Variants in NCAPH observed in about 807,000 individuals in gnomAD.
The protein encoded by NCAPH is non-SMC condensin I complex subunit H, also known as condensin complex subunit 2.
NCAPH carries 38 observed loss-of-function variants against 85.5 expected under a neutral mutation model. The ratio of observed to expected loss-of-function variants is 0.44; its 90% confidence interval spans 0.34 to 0.58. The LOEUF is 0.58. NCAPH is among the 20% of genes least tolerant of loss of function. The pLI is 0.01. For missense variants in NCAPH, 789 were observed against 916.6 expected, an observed-to-expected ratio of 0.86 and a Z score of 1.80; for synonymous variants, 301 against 335.1, an observed-to-expected ratio of 0.90 and a Z score of 1.11.
rs1411489003 is a variant in NCAPH at position 96,376,515 on chromosome 2, G to A, written c.*3164G>A. Among the ~76,000 whole-genome samples, 1 of 152,238 alleles carries A rather than the reference G, an allele frequency of 6.6e-6. No individual in the cohort carries two copies. Among genetic ancestry groups the A allele is most frequent in the Non-Finnish European group, 1.5e-5 (1 of 68,046 alleles). On this transcript the variant is annotated 3_prime_UTR_variant, in exon 18 of 18. Transcript: ENST00000240423. ...CCCTACAGTGTATGATCCCCCTGGG[G>A]AGCAAAAGGCTGCAGGTAACACTTT...
At chr2:96,348,115 T>TA (rs2064385368) in intron 6 of NCAPH, among the ~76,000 whole-genome samples, 1 of 151,882 alleles carries the variant, frequency 6.6e-6, no homozygotes, top group Admixed American at 6.6e-5. Flanking sequence ...TCATATACTA[T>TA]AAAAAATGGG....
chr2:96,338,179 G>C lies in NCAPH; in HGVS notation c.19+2331G>C, dbSNP rs1331811240. 6.2e-5 allele frequency among the ~76,000 whole-genome samples: 9 copies of C among 145,346 alleles called. No homozygotes were observed. The East Asian group carries it at 1.4e-3, about 23-fold the overall frequency. ...TGACCTCAAGTGATCCTCCCACCTT[G>C]GCCTCCAAAGTGCTAGGATTACAGG... On this transcript the variant is annotated intron_variant, in intron 1 of 17. Transcript: ENST00000240423.
chr2:96,360,573 TAAA>T lies in NCAPH; in HGVS notation c.1465-10_1465-8del. 6.2e-7 allele frequency: 1 copy of T among 1,611,268 alleles called. No individual in the cohort carries two copies. Among genetic ancestry groups the T allele is most frequent in the Non-Finnish European group, 8.5e-7 (1 of 1,179,234 alleles). On this transcript the variant is annotated splice_polypyrimidine_tract_variant and intron_variant, in intron 11 of 17. Coordinates refer to ENST00000240423, the MANE Select transcript of NCAPH (RefSeq NM_015341.5). ...GTTAAAATGCCTAAAACACTTTTTT[TAAA>T]AAAATTAATAGGCTGCTACTATTCT...
In NCAPH at chr2:96,366,011, G is replaced by T. The variant is rs1364948228; in HGVS notation, c.1834G>T (p.Asp612Tyr). The T allele has an allele frequency of 6.2e-7, 1 of 1,614,212 alleles. No homozygotes were observed. The stretch of plus-strand genomic sequence containing the variant: ...TGACACTCCAGAAGCCCAAGGATTA[G>T]ACATCACAACATATGGGGAGTCAAA... ...NGDTPEAQGLDITTYGESNLV... is the reference protein window; with the variant it reads ...NGDTPEAQGLYITTYGESNLV... Residue 612 changes from aspartate to tyrosine, a missense_variant, in exon 14 of 18, where the codon GAC becomes TAC. Physicochemically the swap from Asp to Tyr is radical, Grantham distance 160 (BLOSUM62 -3). Coordinates refer to ENST00000240423, the MANE Select transcript of NCAPH (RefSeq NM_015341.5).
chr2:96,340,224 A>G (rs529129366), intron 1 of NCAPH, among the ~76,000 whole-genome samples: 3 of 151,302 alleles, frequency 2.0e-5, no homozygotes, highest in Non-Finnish European at 4.4e-5. Context: ...GTGTTCCTCT[A>G]CTCAGTTATT....
chr2:96,364,358 C>T, intron 12 of NCAPH, 123 bp from the exon 13 acceptor site: 1 of 631,062 alleles, frequency 1.6e-6, no homozygotes, highest in Non-Finnish European at 2.7e-6. Context: ...TTGTGAGGGC[C>T]CTTCTGACTC....
Position 96,354,630 on chromosome 2 carries a change from C to A in NCAPH, c.1208+242C>A, listed in dbSNP as rs540820783. Reference sequence around the variant, plus strand: ...GTGAGCCACCATGCCTGGGCACTATCAGTTCTTAACAGATTTCCTGCTGGG... The same window carrying A: ...GTGAGCCACCATGCCTGGGCACTATAAGTTCTTAACAGATTTCCTGCTGGG... On this transcript the variant is annotated intron_variant, in intron 9 of 17. Coordinates refer to ENST00000240423, the MANE Select transcript of NCAPH (RefSeq NM_015341.5). Among the ~76,000 whole-genome samples the A allele has an allele frequency of 7.2e-5, 11 of 152,210 alleles. 1 individual carries two copies. The South Asian group carries it at 2.3e-3, about 32-fold the overall frequency.
At chr2:96,342,175 TC>T (rs1439894628) in intron 3 of NCAPH, 35 bp downstream of exon 3, 8 of 1,501,102 alleles carry the variant, frequency 5.3e-6, no homozygotes, top group Non-Finnish European at 7.4e-6. Context: ...GAAGACGTAA[TC>T]CCTTGATCAC....
At chr2:96,338,555 A>G (rs1329103388) in intron 1 of NCAPH, among the ~76,000 whole-genome samples, 1 of 152,210 alleles carries the variant, frequency 6.6e-6, no homozygotes, top group East Asian at 1.9e-4. Flanking sequence ...GGCTGTTGAG[A>G]AGACTATCAT....
intron 1 of NCAPH, among the ~76,000 whole-genome samples, chr2:96,340,383 CT>C (rs908160989): frequency 0.17 from 15,881 of 91,692 alleles, 445 homozygotes; most frequent in South Asian, 0.4. Flanking sequence ...TAATAAGCAT[CT>C]TTTTTTTTTT....
chr2:96,361,692 GTA>G (rs1491055166), intron 12 of NCAPH, among the ~76,000 whole-genome samples: 1 of 149,036 alleles, frequency 6.7e-6, no homozygotes, highest in East Asian at 2.0e-4. Flanking sequence ...CTCATGGAGT[GTA>G]TTAAGACTTT....
At chr2:96,363,623 A>G (rs1480734332) in intron 12 of NCAPH, among the ~76,000 whole-genome samples, 1 of 152,144 alleles carries the variant, frequency 6.6e-6, no homozygotes, top group Non-Finnish European at 1.5e-5. Context: ...TCACTGGTCT[A>G]AGGAAGGACC....
At position 96,365,924 on chromosome 2, in the gene NCAPH, G is replaced by T; in HGVS notation, c.1747G>T (p.Val583Phe). Residue 583 changes from valine (V) to phenylalanine (F), a missense_variant, in exon 14 of 18, where the codon GTT (valine) becomes TTT (phenylalanine). Physicochemically the swap from Val to Phe is conservative, Grantham distance 50. Coordinates refer to ENST00000240423, the MANE Select transcript of NCAPH (RefSeq NM_015341.5). ...EDLDDLFVGP[V>F]GNSDLSPYPC... ...TTTGGATGACTTATTTGTGGGACCT[G>T]TTGGGAACTCTGACCTCTCACCTTA... is the stretch of plus-strand genomic sequence containing the variant. The T allele has an allele frequency of 1.9e-6, 3 of 1,614,200 alleles. No homozygotes were observed. Among genetic ancestry groups the T allele is most frequent in the Non-Finnish European group, 1.7e-6 (2 of 1,180,044 alleles).
chr2:96,352,000 T>G lies in NCAPH; in HGVS notation c.890T>G (p.Val297Gly). Reference protein sequence around the residue: ...EPLELPELGCVEMTDLKAPLQ... With the variant: ...EPLELPELGCGEMTDLKAPLQ... ...CTCGAGTTGCCAGAGTTAGGTTGTGTAGAAATGACAGATTTAAAAGGTAAG... is the reference window on the plus strand; with the variant it reads ...CTCGAGTTGCCAGAGTTAGGTTGTGGAGAAATGACAGATTTAAAAGGTAAG... Residue 297 changes from valine to glycine, a missense_variant, in exon 7 of 18, where the codon GTA becomes GGA. Physicochemically the swap from Val to Gly is moderately radical, Grantham distance 109. Coordinates refer to ENST00000240423, the MANE Select transcript of NCAPH (RefSeq NM_015341.5). 1 of 1,611,182 alleles carries G rather than the reference T, an allele frequency of 6.2e-7. No homozygotes were observed. Among genetic ancestry groups the G allele is most frequent in the Non-Finnish European group, 8.5e-7 (1 of 1,179,176 alleles).
At chr2:96,370,982 A>G (rs898713127) in intron 17 of NCAPH, among the ~76,000 whole-genome samples, 19 of 152,246 alleles carry the variant, frequency 1.2e-4, no homozygotes, top group African/African-American at 4.6e-4. Flanking sequence ...GTGAAGGCAG[A>G]CATGCCCGTG....
Position 96,354,262 on chromosome 2 carries a change from G to A in NCAPH, c.1082G>A (p.Cys361Tyr). 6.2e-7 allele frequency: 1 copy of A among 1,614,122 alleles called. No homozygotes were observed. The highest frequency in any genetic ancestry group is 8.5e-7 in the Non-Finnish European group (1 of 1,180,014). The change falls in exon 9 of 18, where the codon TGT becomes TAT. Residue 361 changes from cysteine to tyrosine, a missense_variant. By Grantham distance (194) the Cys-to-Tyr change is radical (BLOSUM62 -2). Transcript: ENST00000240423. Reference protein sequence around the residue: ...DINAEVDESDCGDFPDGSLGD... With the variant: ...DINAEVDESDYGDFPDGSLGD... ...AATGCTGAAGTTGACGAGAGTGACT[G>A]TGGAGACTTCCCCGATGGGTCCCTG...
intron 1 of NCAPH, among the ~76,000 whole-genome samples, chr2:96,336,777 T>G (rs2064220309): frequency 6.6e-6 from 1 of 152,132 alleles, no homozygotes. Flanking sequence ...ATATAGACCA[T>G]TAGACCATAA....
intron 12 of NCAPH, among the ~76,000 whole-genome samples, chr2:96,361,763 TATATA>T: frequency 7.8e-6 from 1 of 128,888 alleles, no homozygotes; most frequent in Admixed American, 8.1e-5. Context: ...TATATATATA[TATATA>T]CATATATATA....
chr2:96,360,830 C>T (rs920135063), intron 12 of NCAPH, 120 bp downstream of exon 12: 4 of 1,286,514 alleles, frequency 3.1e-6, no homozygotes, highest in South Asian at 1.5e-5. Context: ...TTAGCCAAAG[C>T]GTGTTGCCAG....
Sources: allele counts gnomAD v4.1 joint callset (sites outside exome capture counted in the v4.1 genomes callset), GRCh38; gene constraint gnomAD v4.1.1; transcripts MANE v1.5; gene names NCBI Gene and HGNC (gene_info 2026-07-23, HGNC 2026-07-21).